PGK1: variants seen among roughly 807,000 people sequenced by gnomAD.
The protein encoded by PGK1 is PRP 2.
A neutral mutation model predicts 26.9 loss-of-function variants in PGK1; 3 were observed. That is an observed-to-expected ratio of 0.11 (90% CI 0.05 to 0.29). The LOEUF (loss-of-function observed/expected upper bound fraction) is 0.29, where lower values mean the gene tolerates loss of function less well. Among genes scored for constraint, PGK1 ranks in the 10% least tolerant of loss-of-function variants. The pLI is 1.00. For synonymous variants in PGK1, 125 were observed against 115.3 expected, an observed-to-expected ratio of 1.08 and a Z score of -0.54; for missense variants, 270 against 314.7, an observed-to-expected ratio of 0.86 and a Z score of 1.07.
In PGK1 at chrX:78,113,989, A is replaced by G. The variant is rs138345294; in HGVS notation, c.273-27A>G. 853 of 1,207,928 alleles carry G rather than the reference A, an allele frequency of 7.1e-4. 4 individuals carry two copies. The African/African-American group carries it at 0.013, about 19-fold the overall frequency. On this transcript the variant is annotated intron_variant, in intron 3 of 10. Transcript: ENST00000373316. ...TGGTTTTTAACTTTCATACTGCTCA[A>G]GTGTCTTCATCTCTTCCTCTTCTCA...
chrX:78,117,704 C>G (rs1329671711), intron 5 of PGK1, among the ~76,000 whole-genome samples: 1 of 112,627 alleles, frequency 8.9e-6, no homozygotes, highest in African/African-American at 3.2e-5. Context: ...GTTATAAGAT[C>G]AGACTCTCAT....
rs1257207233 is a variant in PGK1, at chrX:78,129,222, T to C, written c.*3392T>C. ...TAAAGAGCATACCCATGTGTGTACC[T>C]ATCTATCTATCTATCTATCTATCTA... On this transcript the variant is annotated 3_prime_UTR_variant, in exon 11 of 11. Coordinates refer to ENST00000373316, the MANE Select transcript of PGK1 (RefSeq NM_000291.4). 1 of 99,363 alleles carries C rather than the reference T, an allele frequency of 1.0e-5. No homozygotes were observed. The highest frequency in any genetic ancestry group is 1.1e-4 in the Admixed American group (1 of 8,900). 8.2% of individuals were successfully genotyped at this position (99,363 alleles called of 1,213,427 possible).
At chrX:78,104,543 G>A in intron 1 of PGK1, 138 bp downstream of exon 1, 1 of 548,519 alleles carries the variant, frequency 1.8e-6, no homozygotes, top group Non-Finnish European at 3.1e-6. Flanking sequence ...TGGAGGGCGA[G>A]GCTGCTCACG....
chrX:78,104,777 G>A (rs2078261417), intron 1 of PGK1, among the ~76,000 whole-genome samples: 1 of 112,068 alleles, frequency 8.9e-6, no homozygotes, highest in Non-Finnish European at 1.9e-5. Context: ...GACCTTGAAA[G>A]GTCATTTTAC....
chrX:78,104,366 T>C lies in PGK1; in HGVS notation c.26T>C (p.Leu9Pro). 8.3e-7 allele frequency: 1 copy of C among 1,205,553 alleles called. No homozygotes were observed. Among genetic ancestry groups the C allele is most frequent in the Non-Finnish European group, 1.1e-6 (1 of 889,499 alleles). MSLSNKLT[L>P]DKLDVKGKRV... ...ATGTCGCTTTCTAACAAGCTGACGC[T>C]GGACAAGCTGGACGTTAAAGGGAAG... Residue 9 changes from leucine (L) to proline (P), a missense_variant, in exon 1 of 11, where the codon CTG becomes CCG. Physicochemically the swap from Leu to Pro is moderately conservative, Grantham distance 98. Around this residue, in one of 3 missense-constraint regions of PGK1, gnomAD observed 150 missense variants for 154.6 expected, o/e 0.97. Transcript: ENST00000373316.
At chrX:78,118,576 CTAAATAAATAAA>C (rs781944002) in intron 6 of PGK1, among the ~76,000 whole-genome samples, 1 of 109,512 alleles carries the variant, frequency 9.1e-6, no homozygotes, top group Non-Finnish European at 1.9e-5. Context: ...AAGACCGTTT[CTAAATAAATAAA>C]TAAATAAATA....
Position 78,126,000 on chromosome X carries a change from T to G in PGK1, c.*170T>G. 1 of 514,678 alleles carries G rather than the reference T, an allele frequency of 1.9e-6. No individual in the cohort carries two copies. The highest frequency in any genetic ancestry group is 3.5e-6 in the Non-Finnish European group (1 of 286,261). The allele number at this position is 514,678 out of a possible 1,213,427, so 42.4% of individuals were successfully genotyped here. On this transcript the variant is annotated 3_prime_UTR_variant, in exon 11 of 11. Coordinates refer to ENST00000373316, the MANE Select transcript of PGK1 (RefSeq NM_000291.4). ...GCACAGCATCTCAGCTCATCTTCACTGCACCCTGGATTTGCATACATTCTT... is the reference window on the plus strand; with the variant it reads ...GCACAGCATCTCAGCTCATCTTCACGGCACCCTGGATTTGCATACATTCTT...
intron 2 of PGK1, among the ~76,000 whole-genome samples, chrX:78,112,501 T>C (rs1167576936): frequency 8.9e-6 from 1 of 112,422 alleles, no homozygotes; most frequent in Non-Finnish European, 1.9e-5. Flanking sequence ...ATGTAATGAA[T>C]GTGATACATT....
At chrX:78,109,479 A>G (rs1217071266) in intron 1 of PGK1, among the ~76,000 whole-genome samples, 1 of 110,913 alleles carries the variant, frequency 9.0e-6, no homozygotes, top group Non-Finnish European at 1.9e-5. Context: ...TTTAGGTGGA[A>G]CTAGCTTTAG....
At chrX:78,119,351 G>C (rs1363476406) in intron 6 of PGK1, among the ~76,000 whole-genome samples, 1 of 111,970 alleles carries the variant, frequency 8.9e-6, no homozygotes, top group Non-Finnish European at 1.9e-5. Flanking sequence ...TTGAGAGGAG[G>C]ATAAATTTTA....
At chrX:78,119,414 G>A (rs1425936489) in intron 6 of PGK1, among the ~76,000 whole-genome samples, 3 of 111,304 alleles carry the variant, frequency 2.7e-5, no homozygotes, top group African/African-American at 9.8e-5. Context: ...ACTTGGTGTG[G>A]TGATCTAGGT....
intron 1 of PGK1, among the ~76,000 whole-genome samples, chrX:78,108,040 T>C (rs1009011909): frequency 9.1e-6 from 1 of 110,134 alleles, no homozygotes; most frequent in African/African-American, 3.3e-5. Context: ...GCAGTTCCTG[T>C]GTTGGAGTCC....
Position 78,123,029 on chromosome X carries a change from CTT to C in PGK1, c.756+83_756+84del, listed in dbSNP as rs1312048111. The stretch of plus-strand genomic sequence containing the variant: ...TGTATAAATGTAAAAAGAAAACAGT[CTT>C]TTGACATGAGCCCTGAAAATTCCCA... On this transcript the variant is annotated intron_variant, in intron 7 of 10. Transcript: ENST00000373316. 1.1e-5 allele frequency: 8 copies of C among 746,359 alleles called. No individual in the cohort carries two copies. In the African/African-American group the frequency reaches 1.5e-4, roughly 14 times the overall value. The allele number at this position is 746,359 out of a possible 1,213,427, so 61.5% of individuals were successfully genotyped here.
In PGK1 at chrX:78,114,118, T is replaced by C. The variant is rs142134146; in HGVS notation, c.375T>C (p.His125=). 6.6e-6 allele frequency: 8 copies of C among 1,209,515 alleles called. No homozygotes were observed. Among genetic ancestry groups the C allele is most frequent in the Non-Finnish European group, 9.0e-6 (8 of 893,611 alleles). The change falls in exon 4 of 11, where the codon CAT becomes CAC. Residue 125 remains histidine, a synonymous_variant. Coordinates refer to ENST00000373316, the MANE Select transcript of PGK1 (RefSeq NM_000291.4). ...TCCTGCTGGAGAACCTCCGCTTTCA[T>C]GTGGAGGAAGAAGGGAAGGGAAAAG... The part of the protein sequence containing the change: ...SVILLENLRF[H]VEEEGKGKDA...
chrX:78,104,977 A>G (rs2078263549), intron 1 of PGK1, among the ~76,000 whole-genome samples: 1 of 112,360 alleles, frequency 8.9e-6, no homozygotes, highest in Non-Finnish European at 1.9e-5. Context: ...GAGGCCCTGC[A>G]GAGCTTACGT....
chrX:78,118,633 G>C (rs1206372525), intron 6 of PGK1, among the ~76,000 whole-genome samples: 2 of 111,063 alleles, frequency 1.8e-5, no homozygotes, highest in Non-Finnish European at 3.8e-5. Flanking sequence ...ACATACAGAG[G>C]TGTGGGTAGG....
intron 8 of PGK1, among the ~76,000 whole-genome samples, chrX:78,123,820 G>A (rs191217545): frequency 2.3e-4 from 25 of 110,872 alleles, no homozygotes; most frequent in Admixed American, 1.9e-3. Flanking sequence ...TGTTGGTCAG[G>A]ATGATCTCAA....
At chrX:78,117,536 A>G in intron 5 of PGK1, 121 bp downstream of exon 5, 1 of 531,433 alleles carries the variant, frequency 1.9e-6, no homozygotes, top group Non-Finnish European at 3.4e-6. Context: ...AGCTTCTCTA[A>G]TTGGAACTGC....
At chrX:78,123,041 G>C (rs1159686280) in intron 7 of PGK1, 92 bp downstream of exon 7, 3 of 723,661 alleles carry the variant, frequency 4.1e-6, no homozygotes, top group Non-Finnish European at 4.4e-6. Context: ...TTTGACATGA[G>C]CCCTGAAAAT....
Sources: allele counts gnomAD v4.1 joint callset (sites outside exome capture counted in the v4.1 genomes callset), GRCh38; gene constraint gnomAD v4.1.1; regional missense constraint gnomAD v4.1.1; transcripts MANE v1.5; gene names NCBI Gene and HGNC (gene_info 2026-07-23, HGNC 2026-07-21).